NSUN4: variants seen among roughly 807,000 people sequenced by gnomAD.
NSUN4 encodes the protein 5-cytosine rRNA methyltransferase NSUN4.
NSUN4 carries 31 observed loss-of-function variants against 43.8 expected under a neutral mutation model. The observed-to-expected ratio is 0.71, with a 90% confidence interval of 0.53 to 0.96. NSUN4 has a LOEUF of 0.96. Ranked by LOEUF, NSUN4 falls within the 40% of genes least tolerant of loss-of-function variation. The pLI is 0.00. For missense variants in NSUN4, 439 were observed against 475.6 expected (o/e 0.92, Z 0.72); for synonymous variants, 167 against 184.1 (o/e 0.91, Z 0.75).
chr1:46,347,190 C>A, intron 3 of NSUN4, 115 bp downstream of exon 3: 1 of 1,133,308 alleles, frequency 8.8e-7, no homozygotes. Flanking sequence ...GTAATCCCAG[C>A]ACTTTGGGAA....
At chr1:46,353,680 T>C (rs1243916701) in intron 4 of NSUN4, among the ~76,000 whole-genome samples, 1 of 152,100 alleles carries the variant, frequency 6.6e-6, no homozygotes, top group East Asian at 1.9e-4. Flanking sequence ...GGCTTCACCA[T>C]CTTGGCCAGG....
At chr1:46,373,586 C>A in the NSUN4 span, among the ~76,000 whole-genome samples, 1 of 152,196 alleles carries the variant, frequency 6.6e-6, no homozygotes, top group Non-Finnish European at 1.5e-5. Flanking sequence ...GCCAATCTGG[C>A]TTTTATAACA....
chr1:46,383,328 G>A, the NSUN4 span, among the ~76,000 whole-genome samples: 2 of 151,776 alleles, frequency 1.3e-5, no homozygotes, highest in Non-Finnish European at 2.9e-5. Flanking sequence ...GGAGAGGTGG[G>A]CACCCTGTGG....
chr1:46,352,121 A>G (rs1324432926), intron 3 of NSUN4, among the ~76,000 whole-genome samples: 1 of 150,808 alleles, frequency 6.6e-6, no homozygotes, highest in African/African-American at 2.4e-5. Flanking sequence ...GTGAGCCACT[A>G]TGCCCAGACT....
intron 3 of NSUN4, among the ~76,000 whole-genome samples, chr1:46,349,775 G>A (rs1662845453): frequency 6.6e-6 from 1 of 152,220 alleles, no homozygotes. Context: ...TGAATCCAAT[G>A]CAAGAGAGCC....
Position 46,364,526 on chromosome 1 carries a change from A to C in NSUN4, c.*2680A>C, listed in dbSNP as rs1664068935. On this transcript the variant is annotated 3_prime_UTR_variant, in exon 6 of 6. Transcript: ENST00000474844. ...GAAACCCCATCTCTATAAAAGTACA[A>C]AAGGGCATGATGGCAGGTGCCTGTA... 1 of 152,076 alleles carries C rather than the reference A, an allele frequency of 6.6e-6. No individual in the cohort carries two copies. 9.4% of individuals were successfully genotyped at this position (152,076 alleles called of 1,614,324 possible).
At position 46,347,037 on chromosome 1, in the gene NSUN4, G is replaced by A. The variant is rs757729017; in HGVS notation, c.554G>A (p.Gly185Glu). The A allele has an allele frequency of 1.2e-6, 2 of 1,614,206 alleles. No individual in the cohort carries two copies. Among genetic ancestry groups the A allele is most frequent in the Non-Finnish European group, 1.7e-6 (2 of 1,180,026 alleles). ...DIVLDLCAAP[G>E]GKTLALLQTG... ...GTGCTTGACCTATGTGCAGCTCCTG[G>A]GGGAAAGACACTAGCGTTGCTTCAG... is the stretch of plus-strand genomic sequence containing the variant. Residue 185 changes from glycine to glutamate, a missense_variant, in exon 3 of 6, where the codon GGG becomes GAG. Coordinates refer to ENST00000474844, the MANE Select transcript of NSUN4 (RefSeq NM_199044.4).
chr1:46,369,044 A>T (rs1177472237), downstream of NSUN4, among the ~76,000 whole-genome samples: 1 of 152,058 alleles, frequency 6.6e-6, no homozygotes, highest in African/African-American at 2.4e-5. Context: ...AGCATACCCC[A>T]ATGCTTCTGG....
the NSUN4 span, among the ~76,000 whole-genome samples, chr1:46,382,112 T>C: frequency 6.6e-6 from 1 of 152,216 alleles, no homozygotes; most frequent in East Asian, 1.9e-4. Flanking sequence ...CAGGCAGTGT[T>C]GCTAACCATC....
At chr1:46,346,096 A>T (rs1019037297) in intron 2 of NSUN4, among the ~76,000 whole-genome samples, 1 of 147,332 alleles carries the variant, frequency 6.8e-6, no homozygotes, top group Non-Finnish European at 1.5e-5. Flanking sequence ...GGTTGCAGTG[A>T]GCTGAGATCG....
At chr1:46,352,833 G>C (rs374970025) in intron 3 of NSUN4, 35 bp from the exon 4 acceptor site, 3 of 1,601,526 alleles carry the variant, frequency 1.9e-6, no homozygotes, top group Non-Finnish European at 2.6e-6. Context: ...ATGTTTCATT[G>C]GGTCATGGCC....
the NSUN4 span, among the ~76,000 whole-genome samples, chr1:46,378,007 A>T: frequency 6.6e-6 from 1 of 152,172 alleles, no homozygotes; most frequent in Non-Finnish European, 1.5e-5. Flanking sequence ...CTTTAATAAC[A>T]ATTCTACAGT....
intron 3 of NSUN4, among the ~76,000 whole-genome samples, chr1:46,348,084 G>T (rs910420933): frequency 2.0e-5 from 3 of 152,030 alleles, no homozygotes; most frequent in Non-Finnish European, 4.4e-5. Context: ...GTTTCACCCT[G>T]TTAGCCAGGA....
chr1:46,368,190 C>T (rs1664178142), downstream of NSUN4, among the ~76,000 whole-genome samples: 1 of 152,128 alleles, frequency 6.6e-6, no homozygotes, highest in South Asian at 2.1e-4. Flanking sequence ...ATTTCTATTA[C>T]TCCAATCAGC....
the NSUN4 span, among the ~76,000 whole-genome samples, chr1:46,374,405 C>T: frequency 2.0e-5 from 3 of 149,708 alleles, no homozygotes; most frequent in African/African-American, 4.9e-5. Flanking sequence ...GTCAGGAGTT[C>T]GAGATCAGCC....
rs1296435280 is a variant in NSUN4 at position 46,361,942 on chromosome 1, G to A, written c.*96G>A. On this transcript the variant is annotated 3_prime_UTR_variant, in exon 6 of 6. Coordinates refer to ENST00000474844, the MANE Select transcript of NSUN4 (RefSeq NM_199044.4). ...GACCAGTGGCAGAGATGCACTCTCG[G>A]TCCTGTCTCCATCCTGTTCGTGTCT... The A allele has an allele frequency of 1.8e-6, 2 of 1,123,616 alleles. No individual in the cohort carries two copies. The highest frequency in any genetic ancestry group is 3.1e-5 in the African/African-American group (2 of 64,380). 69.6% of individuals were successfully genotyped at this position (1,123,616 alleles called of 1,614,324 possible).
At chr1:46,376,668 A>AG in the NSUN4 span, among the ~76,000 whole-genome samples, 1 of 152,274 alleles carries the variant, frequency 6.6e-6, no homozygotes, top group East Asian at 1.9e-4. Context: ...CATCACACAT[A>AG]GTAAAGGTAA....
the NSUN4 span, among the ~76,000 whole-genome samples, chr1:46,382,593 C>G: frequency 6.6e-6 from 1 of 151,150 alleles, no homozygotes; most frequent in Admixed American, 6.6e-5. Context: ...GTAATATGAG[C>G]ATAAAAATGC....
At chr1:46,348,471 G>T (rs908919596) in intron 3 of NSUN4, among the ~76,000 whole-genome samples, 1 of 152,072 alleles carries the variant, frequency 6.6e-6, no homozygotes, top group Non-Finnish European at 1.5e-5. Flanking sequence ...CCAGCACTTT[G>T]GAAGGCTGAG....
Sources: allele counts gnomAD v4.1 joint callset (sites outside exome capture counted in the v4.1 genomes callset), GRCh38; gene constraint gnomAD v4.1.1; transcripts MANE v1.5; gene names NCBI Gene and HGNC (gene_info 2026-07-23, HGNC 2026-07-21).